Variants in KIAA0319 observed in about 807,000 individuals in gnomAD.
KIAA0319 encodes the protein dyslexia-associated protein KIAA0319.
Under a neutral mutation model 108.4 loss-of-function variants are expected in KIAA0319, and 83 were observed. That is an observed-to-expected ratio of 0.77 (90% confidence interval 0.64 to 0.92). KIAA0319 has a LOEUF of 0.92. Among genes scored for constraint, KIAA0319 ranks in the 40% least tolerant of loss-of-function variants. The pLI is 0.00. For missense variants in KIAA0319, 1,195 were observed against 1,322.4 expected (o/e 0.90, Z 1.49); for synonymous variants, 484 against 510.4 (o/e 0.95, Z 0.70).
Position 24,601,189 on chromosome 6 carries a change from G to C in KIAA0319, c.-86C>G. On this transcript the variant is annotated 5_prime_UTR_variant, in exon 2 of 21. Coordinates refer to ENST00000378214, the MANE Select transcript of KIAA0319 (RefSeq NM_014809.4). Reference sequence around the variant, plus strand: ...AAGCTTCCTTTGATGTTTTTTAGGAGCCAGATTTGGCCTCAAGAACTTCAA... The same window carrying C: ...AAGCTTCCTTTGATGTTTTTTAGGACCCAGATTTGGCCTCAAGAACTTCAA... 3 of 1,563,018 alleles carry C rather than the reference G, an allele frequency of 1.9e-6. No homozygotes were observed. Among genetic ancestry groups the C allele is most frequent in the Non-Finnish European group, 2.6e-6 (3 of 1,153,968 alleles).
At position 24,579,777 on chromosome 6, in the gene KIAA0319, T is replaced by C. The variant is rs376845283; in HGVS notation, c.1372+81A>G. On this transcript the variant is annotated intron_variant, in intron 8 of 20. Coordinates refer to ENST00000378214, the MANE Select transcript of KIAA0319 (RefSeq NM_014809.4). Reference sequence around the variant, plus strand: ...CAAAGTAACAGCCCATAAGTCCTCCTAGCTTTGATGCAGAGCACTCATTAC... The same window carrying C: ...CAAAGTAACAGCCCATAAGTCCTCCCAGCTTTGATGCAGAGCACTCATTAC... The C allele has an allele frequency of 4.1e-5, 46 of 1,127,028 alleles. No individual in the cohort carries two copies. In the African/African-American group the frequency reaches 4.3e-4, roughly 10 times the overall value. The allele number at this position is 1,127,028 out of a possible 1,614,324, so 69.8% of individuals were successfully genotyped here. A position where few individuals can be genotyped will look rare whatever the true frequency, so the allele number is the denominator to read the frequency against.
intron 1 of KIAA0319, among the ~76,000 whole-genome samples, chr6:24,633,456 G>C (rs1168262579): frequency 1.3e-5 from 2 of 152,194 alleles, no homozygotes; most frequent in Non-Finnish European, 2.9e-5. Flanking sequence ...TACGTTAACA[G>C]AGAAACAAAG....
At chr6:24,580,698 A>T (rs1766373561) in intron 7 of KIAA0319, among the ~76,000 whole-genome samples, 1 of 152,192 alleles carries the variant, frequency 6.6e-6, no homozygotes, top group Non-Finnish European at 1.5e-5. Context: ...ATTTGCCACC[A>T]TTCGAGAGCA....
chr6:24,550,580 A>G (rs763669227), intron 20 of KIAA0319, among the ~76,000 whole-genome samples: 3 of 152,242 alleles, frequency 2.0e-5, no homozygotes, highest in Non-Finnish European at 4.4e-5. Flanking sequence ...GAAGAAAGTC[A>G]ATTTTCTGTA....
intron 7 of KIAA0319, among the ~76,000 whole-genome samples, chr6:24,580,319 C>G (rs368839108): frequency 1.4e-5 from 2 of 146,756 alleles, no homozygotes; most frequent in South Asian, 4.8e-4. Context: ...ACTCCCCCCC[C>G]CACCCCCCAT....
chr6:24,580,874 A>G, intron 7 of KIAA0319, 52 bp downstream of exon 7: 1 of 1,273,886 alleles, frequency 7.9e-7, no homozygotes, highest in Non-Finnish European at 1.1e-6. Flanking sequence ...CCAGGCACCA[A>G]AAATTGAGAT....
At chr6:24,610,632 G>A (rs1772152477) in intron 1 of KIAA0319, among the ~76,000 whole-genome samples, 1 of 152,104 alleles carries the variant, frequency 6.6e-6, no homozygotes, top group African/African-American at 2.4e-5. Flanking sequence ...ACATGATAAG[G>A]GAGTTAGGCC....
intron 5 of KIAA0319, chr6:24,583,291 T>C: frequency 1.0e-6 from 1 of 991,302 alleles, no homozygotes; most frequent in Non-Finnish European, 1.2e-6. Flanking sequence ...CCAGGTTCTA[T>C]GGGTTATTAC....
chr6:24,548,256 C>T (rs747563863), intron 20 of KIAA0319, among the ~76,000 whole-genome samples: 7 of 151,964 alleles, frequency 4.6e-5, no homozygotes, highest in Non-Finnish European at 8.8e-5. Flanking sequence ...ATTAGGCTCA[C>T]GGAAACATAG....
chr6:24,567,360 A>C (rs547320408), intron 13 of KIAA0319, among the ~76,000 whole-genome samples: 1 of 152,272 alleles, frequency 6.6e-6, no homozygotes, highest in East Asian at 1.9e-4. Context: ...AATTGAAATA[A>C]TAACAATGAT....
At chr6:24,608,713 G>A (rs181114662) in intron 1 of KIAA0319, among the ~76,000 whole-genome samples, 40 of 151,638 alleles carry the variant, frequency 2.6e-4, no homozygotes, top group Admixed American at 3.9e-4. Context: ...GGCGGATCAC[G>A]AGGTCAGGAG....
chr6:24,616,782 C>CT (rs1773215861), intron 1 of KIAA0319, among the ~76,000 whole-genome samples: 1 of 152,186 alleles, frequency 6.6e-6, no homozygotes, highest in South Asian at 2.1e-4. Context: ...AACCACATAT[C>CT]TATCTTTCTC....
intron 3 of KIAA0319, 38 bp downstream of exon 3, chr6:24,595,810 CCCCTCCTACGGTCTGCCCCACTCAG>C: frequency 2.0e-6 from 3 of 1,505,214 alleles, no homozygotes; most frequent in Non-Finnish European, 2.7e-6. Context: ...TGAAACTCAG[CCCCTCCTACGGTCTGCCCCACTCAG>C]CCCATCCCAC....
intron 1 of KIAA0319, among the ~76,000 whole-genome samples, chr6:24,640,614 C>A (rs1776792116): frequency 6.6e-6 from 1 of 152,134 alleles, no homozygotes; most frequent in African/African-American, 2.4e-5. Context: ...TAAATTTTTT[C>A]ATTGTGGTAA....
At chr6:24,611,596 T>C (rs953159705) in intron 1 of KIAA0319, among the ~76,000 whole-genome samples, 1 of 152,160 alleles carries the variant, frequency 6.6e-6, no homozygotes, top group African/African-American at 2.4e-5. Context: ...ACAGTAGAAG[T>C]GTCAACAACA....
intron 7 of KIAA0319, 98 bp downstream of exon 7, chr6:24,580,826 GTC>G (rs1766398162): frequency 1.4e-6 from 1 of 727,242 alleles, no homozygotes; most frequent in African/African-American, 1.8e-5. Context: ...AATAGGTTTT[GTC>G]TCTCTAGGTA....
chr6:24,601,645 G>C (rs1770638703), intron 1 of KIAA0319, among the ~76,000 whole-genome samples: 1 of 152,148 alleles, frequency 6.6e-6, no homozygotes, highest in South Asian at 2.1e-4. Context: ...CGCTAGAAGT[G>C]GGGCATCCTA....
At chr6:24,589,067 C>T (rs1320775720) in intron 3 of KIAA0319, among the ~76,000 whole-genome samples, 1 of 152,092 alleles carries the variant, frequency 6.6e-6, no homozygotes, top group African/African-American at 2.4e-5. Context: ...CTAAACTGAC[C>T]AGTTCAATGG....
intron 16 of KIAA0319, among the ~76,000 whole-genome samples, chr6:24,559,930 C>T (rs1219702395): frequency 6.6e-6 from 1 of 152,196 alleles, no homozygotes; most frequent in Non-Finnish European, 1.5e-5. Flanking sequence ...CTCTTCTGGA[C>T]ACTTCAGATA....
Sources: gnomAD v4.1 joint callset for allele counts (sites outside exome capture counted in the v4.1 genomes callset) on GRCh38, gnomAD v4.1.1 for gene constraint, MANE v1.5 for transcripts, NCBI Gene and HGNC (gene_info 2026-07-23, HGNC 2026-07-21) for gene names.